FANK1: variants seen among roughly 807,000 people sequenced by gnomAD.
FANK1 encodes fibronectin type III and ankyrin repeat domains 1.
Under a neutral mutation model 45.3 loss-of-function variants are expected in FANK1, and 44 were observed. The ratio of observed to expected loss-of-function variants is 0.97; its 90% CI spans 0.76 to 1.25. FANK1 has a LOEUF of 1.25. FANK1 is among the 50% of genes most tolerant of loss of function. The pLI is 0.00. For synonymous variants in FANK1, 149 were observed against 152.5 expected (o/e 0.98, Z 0.17); for missense variants, 391 against 424.4 (o/e 0.92, Z 0.69).
chr10:126,005,307 C>CT (rs35163273), intron 7 of FANK1, among the ~76,000 whole-genome samples: 6,534 of 122,246 alleles, frequency 0.053, 468 homozygotes, highest in African/African-American at 0.16. Context: ...TACTTTCTTT[C>CT]TTTTTTTTTT....
At chr10:125,906,515 CAAAAAAAAA>C (rs34132526) in intron 1 of FANK1, among the ~76,000 whole-genome samples, 39 of 46,422 alleles carry the variant, frequency 8.4e-4, no homozygotes, top group African/African-American at 2.5e-3. Context: ...GACTCTGTCT[CAAAAAAAAA>C]AAAAAAAAAA....
At chr10:125,975,700 C>T (rs1178582294) in intron 1 of FANK1, among the ~76,000 whole-genome samples, 1 of 152,162 alleles carries the variant, frequency 6.6e-6, no homozygotes, top group Non-Finnish European at 1.5e-5. Context: ...GGATATTAGA[C>T]CTTTGTCAGA....
At chr10:126,008,145 G>A (rs1294240823) in intron 7 of FANK1, among the ~76,000 whole-genome samples, 1 of 152,168 alleles carries the variant, frequency 6.6e-6, no homozygotes, top group Non-Finnish European at 1.5e-5. Flanking sequence ...CTCCCCAGGG[G>A]CCAAGTGGAA....
chr10:126,003,328 C>T lies in FANK1; in HGVS notation c.540-1556C>T, dbSNP rs895694099. On this transcript the variant is annotated intron_variant, in intron 6 of 10. Coordinates refer to ENST00000368693, the MANE Select transcript of FANK1 (RefSeq NM_145235.5). ...CTGTAATCCCAGCACTTTGGGAGGC[C>T]GAGGCAGGAAGATCACTTGAGGCCA... is the stretch of plus-strand genomic sequence containing the variant. Among the ~76,000 whole-genome samples the T allele has an allele frequency of 2.4e-4, 37 of 151,696 alleles. 1 individual carries two copies. The highest frequency in any genetic ancestry group is 6.6e-5 in the Admixed American group (1 of 15,244).
chr10:125,911,304 G>A (rs542176665), intron 1 of FANK1, among the ~76,000 whole-genome samples: 1 of 152,264 alleles, frequency 6.6e-6, no homozygotes, highest in Admixed American at 6.5e-5. Flanking sequence ...GAAGGAAGAG[G>A]CATGGAAACG....
chr10:125,990,358 C>T (rs1054327792), intron 3 of FANK1, among the ~76,000 whole-genome samples: 29 of 152,268 alleles, frequency 1.9e-4, no homozygotes, highest in African/African-American at 6.3e-4. Context: ...GGCACCACTG[C>T]ACTCTCCAGC....
chr10:125,971,341 G>T (rs896583753), intron 1 of FANK1, among the ~76,000 whole-genome samples: 8 of 151,850 alleles, frequency 5.3e-5, no homozygotes, highest in African/African-American at 1.7e-4. Context: ...GGTTGCTATG[G>T]GCTTTCTATA....
chr10:125,931,776 C>G (rs1262176109), intron 1 of FANK1, among the ~76,000 whole-genome samples: 1 of 152,152 alleles, frequency 6.6e-6, no homozygotes, highest in Non-Finnish European at 1.5e-5. Context: ...GTCATGAAAT[C>G]CTTGCTAAGC....
At chr10:125,921,173 A>T (rs1342957860) in intron 1 of FANK1, among the ~76,000 whole-genome samples, 1 of 152,232 alleles carries the variant, frequency 6.6e-6, no homozygotes, top group African/African-American at 2.4e-5. Flanking sequence ...TTGGTAGATT[A>T]CAAAATTATA....
rs1038231544 is a variant in FANK1 at position 125,922,203 on chromosome 10, C to A, written c.13+25548C>A. On this transcript the variant is annotated intron_variant, in intron 1 of 10. Coordinates refer to ENST00000368693, the MANE Select transcript of FANK1 (RefSeq NM_145235.5). Reference sequence around the variant, plus strand: ...GGCCATTTAGAAGTACGCCATTTAACTTCTCATATTTGGGGATGTTCTAGA... The same window carrying A: ...GGCCATTTAGAAGTACGCCATTTAAATTCTCATATTTGGGGATGTTCTAGA... 7.5e-4 allele frequency among the ~76,000 whole-genome samples: 114 copies of A among 152,108 alleles called. 8 individuals are homozygous for A. The highest frequency in any genetic ancestry group is 2.9e-5 in the Non-Finnish European group (2 of 68,038).
At chr10:125,904,937 A>T (rs1477043181) in intron 1 of FANK1, among the ~76,000 whole-genome samples, 3 of 151,802 alleles carry the variant, frequency 2.0e-5, no homozygotes, top group East Asian at 3.9e-4. Flanking sequence ...CGTCCTGGCT[A>T]ACAGGGTGAA....
chr10:125,953,437 G>T (rs1949380452), intron 1 of FANK1, among the ~76,000 whole-genome samples: 1 of 152,190 alleles, frequency 6.6e-6, no homozygotes, highest in African/African-American at 2.4e-5. Flanking sequence ...GGTGGTGTGG[G>T]TGATGCTTCA....
chr10:125,916,670 C>CT (rs1310637814), intron 1 of FANK1, among the ~76,000 whole-genome samples: 1 of 152,132 alleles, frequency 6.6e-6, no homozygotes, highest in African/African-American at 2.4e-5. Flanking sequence ...CTGACACATG[C>CT]TACACCATGG....
chr10:125,898,421 G>A (rs1393102198), intron 1 of FANK1, among the ~76,000 whole-genome samples: 2 of 152,056 alleles, frequency 1.3e-5, no homozygotes, highest in East Asian at 3.8e-4. Flanking sequence ...GGTCTTGGTG[G>A]GGTTCGGAGA....
At chr10:125,967,004 G>A (rs769193417) in intron 1 of FANK1, among the ~76,000 whole-genome samples, 9 of 151,994 alleles carry the variant, frequency 5.9e-5, no homozygotes, top group African/African-American at 9.7e-5. Flanking sequence ...TTGTAAGTTC[G>A]TACCCTTTCC....
At chr10:125,988,310 T>C (rs75822194) in intron 2 of FANK1, among the ~76,000 whole-genome samples, 2,538 of 152,312 alleles carry the variant, frequency 0.017, 74 homozygotes, top group African/African-American at 0.055. Flanking sequence ...TACAAAACAG[T>C]ATGCTGGCTA....
chr10:125,980,180 G>A lies in FANK1; in HGVS notation c.33G>A (p.Lys11=), dbSNP rs1951108842. The change falls in exon 2 of 11, where the codon AAG becomes AAA. Residue 11 remains lysine (K), a synonymous_variant. Coordinates refer to ENST00000368693, the MANE Select transcript of FANK1 (RefSeq NM_145235.5). The part of the protein sequence containing the change: MEPQKIMPPS[K]PHPPVVGKVT... ...TTTTAGAAATCATGCCACCCTCAAA[G>A]CCTCATCCACCTGTCGTGGGCAAAG... 2.5e-6 allele frequency: 4 copies of A among 1,611,910 alleles called. No homozygotes were observed. Among genetic ancestry groups the A allele is most frequent in the African/African-American group, 2.7e-5 (2 of 74,770 alleles).
intron 3 of FANK1, among the ~76,000 whole-genome samples, chr10:125,990,134 C>T (rs1951829602): frequency 6.6e-6 from 1 of 152,204 alleles, no homozygotes; most frequent in Non-Finnish European, 1.5e-5. Flanking sequence ...AGGTACAGAG[C>T]AGTATTCCCC....
intron 5 of FANK1, among the ~76,000 whole-genome samples, 160 bp downstream of exon 5, chr10:125,996,784 A>G (rs1283011531): frequency 6.6e-6 from 1 of 152,252 alleles, no homozygotes; most frequent in African/African-American, 2.4e-5. Context: ...AAATTCAACT[A>G]TTGTAATCAT....
Sources: gnomAD v4.1 joint callset for allele counts (sites outside exome capture counted in the v4.1 genomes callset) on GRCh38, gnomAD v4.1.1 for gene constraint, MANE v1.5 for transcripts, NCBI Gene and HGNC (gene_info 2026-07-23, HGNC 2026-07-21) for gene names.